Variants in HS3ST4 observed in about 807,000 individuals in gnomAD.
HS3ST4 encodes heparan sulfate glucosamine 3-O-sulfotransferase 4.
In HS3ST4, 17 loss-of-function variants were observed where a neutral mutation model predicts 29.2. The observed-to-expected ratio is 0.58, with a 90% CI of 0.40 to 0.87. HS3ST4 has a LOEUF of 0.87. Ranked by LOEUF, HS3ST4 falls within the 40% of genes least tolerant of loss-of-function variation. The pLI is 0.00. For missense variants in HS3ST4, 627 were observed against 634.5 expected (o/e 0.99, Z 0.13); for synonymous variants, 314 against 285.7 (o/e 1.10, Z -1.00).
intron 1 of HS3ST4, among the ~76,000 whole-genome samples, chr16:25,873,144 C>T (rs12930394): frequency 0.36 from 53,906 of 151,830 alleles, 9,854 homozygotes; most frequent in East Asian, 0.53. Flanking sequence ...TTCTTTCTTC[C>T]ATCTGTCCAT....
chr16:25,932,068 A>T (rs1317834403), intron 1 of HS3ST4, among the ~76,000 whole-genome samples: 2 of 152,204 alleles, frequency 1.3e-5, no homozygotes, highest in East Asian at 3.8e-4. Flanking sequence ...TAATCCCAGC[A>T]CTTTGAGAGG....
intron 1 of HS3ST4, among the ~76,000 whole-genome samples, chr16:25,725,004 C>T (rs925377630): frequency 2.1e-5 from 3 of 140,934 alleles, no homozygotes; most frequent in African/African-American, 2.6e-5. Flanking sequence ...TTTTCTCCCT[C>T]TTCTATTTCA....
chr16:25,727,524 C>G (rs1966544858), intron 1 of HS3ST4, among the ~76,000 whole-genome samples: 1 of 152,086 alleles, frequency 6.6e-6, no homozygotes, highest in African/African-American at 2.4e-5. Context: ...GAAAAAATAA[C>G]ACTCAATTGT....
chr16:26,105,505 G>A (rs536680705), intron 1 of HS3ST4, among the ~76,000 whole-genome samples: 10 of 152,246 alleles, frequency 6.6e-5, no homozygotes, highest in South Asian at 6.2e-4. Flanking sequence ...AATAAAAGTC[G>A]AAAACAAGCA....
At chr16:25,950,558 C>T (rs148710774) in intron 1 of HS3ST4, among the ~76,000 whole-genome samples, 50 of 152,012 alleles carry the variant, frequency 3.3e-4, no homozygotes, top group African/African-American at 1.2e-3. Flanking sequence ...CATACAGATC[C>T]AACTATTTTT....
chr16:26,095,008 G>T (rs1003155707), intron 1 of HS3ST4, among the ~76,000 whole-genome samples: 1 of 151,962 alleles, frequency 6.6e-6, no homozygotes. Flanking sequence ...AAGATCAAAA[G>T]AGACAAAGAA....
intron 1 of HS3ST4, among the ~76,000 whole-genome samples, chr16:25,739,234 C>A (rs950311698): frequency 6.6e-6 from 1 of 151,928 alleles, no homozygotes; most frequent in South Asian, 2.1e-4. Flanking sequence ...CCCAGCTACT[C>A]GGGAGGTTGA....
intron 1 of HS3ST4, among the ~76,000 whole-genome samples, chr16:25,872,263 G>T (rs2141659791): frequency 6.7e-6 from 1 of 148,930 alleles, no homozygotes. Context: ...CTGACAGAAA[G>T]AAATGGCTTT....
At chr16:25,929,500 C>G (rs962962580) in intron 1 of HS3ST4, among the ~76,000 whole-genome samples, 5 of 152,224 alleles carry the variant, frequency 3.3e-5, no homozygotes, top group Non-Finnish European at 7.3e-5. Flanking sequence ...CCACTACTGT[C>G]TGGATCCCTT....
chr16:25,919,747 C>G (rs1476875584), intron 1 of HS3ST4, among the ~76,000 whole-genome samples: 2 of 152,102 alleles, frequency 1.3e-5, no homozygotes, highest in Admixed American at 1.3e-4. Flanking sequence ...AAAGAATAGT[C>G]AACTTTGCCT....
intron 1 of HS3ST4, among the ~76,000 whole-genome samples, chr16:25,786,762 T>G (rs990776618): frequency 1.3e-5 from 2 of 152,226 alleles, no homozygotes; most frequent in African/African-American, 4.8e-5. Context: ...AATTTTTCCC[T>G]TTCTTTAATA....
intron 1 of HS3ST4, among the ~76,000 whole-genome samples, chr16:25,723,337 T>C (rs1362601263): frequency 6.6e-6 from 1 of 152,258 alleles, no homozygotes; most frequent in Admixed American, 6.5e-5. Flanking sequence ...CTTTGGTAGT[T>C]TCTTTTTAAA....
chr16:25,816,851 G>A (rs1967097044), intron 1 of HS3ST4, among the ~76,000 whole-genome samples: 1 of 152,044 alleles, frequency 6.6e-6, no homozygotes, highest in African/African-American at 2.4e-5. Flanking sequence ...ATGGTGAGGG[G>A]GCTGAATGTT....
intron 1 of HS3ST4, among the ~76,000 whole-genome samples, chr16:25,851,409 C>T (rs1165389414): frequency 6.6e-6 from 1 of 152,166 alleles, no homozygotes. Flanking sequence ...GTAGAGCCTT[C>T]CATTTGCCCT....
At chr16:25,820,031 A>C (rs1442764468) in intron 1 of HS3ST4, among the ~76,000 whole-genome samples, 13 of 115,246 alleles carry the variant, frequency 1.1e-4, no homozygotes, top group Non-Finnish European at 1.3e-4. Flanking sequence ...AAAAAAAAAA[A>C]AAAAAAAAAA....
chr16:26,011,420 C>T (rs142490184), intron 1 of HS3ST4, among the ~76,000 whole-genome samples: 27 of 152,192 alleles, frequency 1.8e-4, no homozygotes, highest in East Asian at 5.8e-4. Flanking sequence ...ATTAGCCAGG[C>T]GTGGTGGCAC....
chr16:25,868,458 C>T (rs576082540), intron 1 of HS3ST4, among the ~76,000 whole-genome samples: 13 of 152,178 alleles, frequency 8.5e-5, no homozygotes, highest in South Asian at 4.1e-4. Flanking sequence ...CTGCAGCAGA[C>T]GCCCAGTAGC....
At chr16:25,928,035 CAAA>C (rs767016845) in intron 1 of HS3ST4, among the ~76,000 whole-genome samples, 2 of 50,922 alleles carry the variant, frequency 3.9e-5, no homozygotes, top group Admixed American at 2.4e-4. Flanking sequence ...CCCATCTCGA[CAAA>C]AAAAAAAAAA....
chr16:25,839,714 T>C (rs1485767086), intron 1 of HS3ST4, among the ~76,000 whole-genome samples: 1 of 145,278 alleles, frequency 6.9e-6, no homozygotes, highest in Non-Finnish European at 1.5e-5. Context: ...CTATGATAAA[T>C]TTTTAGCATG....
Sources: allele counts gnomAD v4.1 joint callset (sites outside exome capture counted in the v4.1 genomes callset), GRCh38; gene constraint gnomAD v4.1.1; transcripts MANE v1.5; gene names NCBI Gene and HGNC (gene_info 2026-07-23, HGNC 2026-07-21).